The following DIMT1 variants were observed in gnomAD, a reference collection of about 807,000 sequenced individuals.
DIMT1 encodes the protein dimethyladenosine transferase.
A neutral mutation model predicts 43.2 loss-of-function variants in DIMT1; 36 were observed. That is an observed-to-expected ratio of 0.83 (90% CI 0.64 to 1.10). DIMT1 has a LOEUF of 1.10. Among genes scored for constraint, DIMT1 ranks in the 50% least tolerant of loss-of-function variants. The pLI, the probability that DIMT1 is intolerant of heterozygous loss-of-function variation, is 0.00. For missense variants in DIMT1, 341 were observed against 385.3 expected, an observed-to-expected ratio of 0.88 and a Z score of 0.96; for synonymous variants, 126 against 130.3, an observed-to-expected ratio of 0.97 and a Z score of 0.22.
Position 62,394,564 on chromosome 5 carries a change from C to A in DIMT1, c.490G>T (p.Val164Phe), listed in dbSNP as rs747789972. ...TATAACTTATCTCCAGGTTTTGCAA[C>A]CAGTCGGAGGGCAAATTCTCTTTGA... is the stretch of plus-strand genomic sequence containing the variant. ...MFQREFALRL[V>F]AKPGDKLYCR... The change falls in exon 7 of 12, where the codon GTT becomes TTT. Residue 164 changes from valine to phenylalanine, a missense_variant. Coordinates refer to ENST00000199320, the MANE Select transcript of DIMT1 (RefSeq NM_014473.4). The A allele has an allele frequency of 1.2e-6, 2 of 1,614,150 alleles. No homozygotes were observed. Among genetic ancestry groups the A allele is most frequent in the Non-Finnish European group, 1.7e-6 (2 of 1,180,030 alleles).
chr5:62,391,934 C>A, intron 10 of DIMT1: 1 of 1,535,630 alleles, frequency 6.5e-7, no homozygotes, highest in South Asian at 1.2e-5. Context: ...AAACAACTGT[C>A]AGTAGTTAGA....
intron 10 of DIMT1, chr5:62,391,773 T>C (rs1253050315): frequency 5.1e-6 from 7 of 1,384,838 alleles, no homozygotes; most frequent in Admixed American, 3.2e-5. Flanking sequence ...AAGTAATAAC[T>C]ATATTTGTAA....
chr5:62,403,651 G>T (rs774241008), intron 1 of DIMT1, 43 bp downstream of exon 1: 4 of 1,575,370 alleles, frequency 2.5e-6, no homozygotes, highest in Non-Finnish European at 3.4e-6. Flanking sequence ...CCTGCCGGAA[G>T]ACCTGACCCG....
Position 62,398,559 on chromosome 5 carries a change from AT to A in DIMT1, c.397del (p.Ile133SerfsTer56). On this transcript the variant is annotated frameshift_variant and splice_region_variant, in exon 6 of 12. Coordinates refer to ENST00000199320, the MANE Select transcript of DIMT1 (RefSeq NM_014473.4). LOFTEE classifies it high-confidence loss of function. ...DTCVANLPYQ[I>X]SSPFVFKLLL... ...CAGCTTGAAGACAAAAGGTGAAGAG[AT>A]CTGTAAGAGAATTAACTAGTTATTT... 6.2e-7 allele frequency: 1 copy of A among 1,612,844 alleles called. No homozygotes were observed. The highest frequency in any genetic ancestry group is 8.5e-7 in the Non-Finnish European group (1 of 1,178,860).
At position 62,392,331 on chromosome 5, in the gene DIMT1, A is replaced by C. The variant is rs1742338975; in HGVS notation, c.729-97T>G. On this transcript the variant is annotated intron_variant, in intron 9 of 11. Transcript: ENST00000199320. ...TTTTTAACTAATACATAAGCCATTT[A>C]AGCAATAATTTCATTTTAGATGAAA... 23 of 893,002 alleles carry C rather than the reference A, an allele frequency of 2.6e-5. No individual in the cohort carries two copies. In the Middle Eastern group the frequency reaches 9.5e-4, roughly 37 times the overall value. 55.3% of individuals were successfully genotyped at this position (893,002 alleles called of 1,614,324 possible). A position where few individuals can be genotyped will look rare whatever the true frequency, so the allele number is the denominator to read the frequency against.
rs1192704468 is a variant in DIMT1, at chr5:62,389,071, A to G, written c.900-19T>C. The G allele has an allele frequency of 1.2e-6, 2 of 1,608,420 alleles. No homozygotes were observed. The highest frequency in any genetic ancestry group is 1.7e-6 in the Non-Finnish European group (2 of 1,176,684). ...TAGCAATCTGAAAAAAGAAATCAAA[A>G]TGGAATGGTACTGAAAAGCTAATTT... is the stretch of plus-strand genomic sequence containing the variant. On this transcript the variant is annotated intron_variant, in intron 11 of 11. Transcript: ENST00000199320.
In DIMT1 at chr5:62,398,837, G is replaced by C; in HGVS notation, c.285C>G (p.His95Gln). The C allele has an allele frequency of 6.2e-7, 1 of 1,613,780 alleles. No homozygotes were observed. Among genetic ancestry groups the C allele is most frequent in the Non-Finnish European group, 8.5e-7 (1 of 1,179,834 alleles). The change falls in exon 4 of 12, where the codon CAC (histidine) becomes CAG (glutamine). Residue 95 changes from histidine (H) to glutamine (Q), a missense_variant. His to Gln is a conservative substitution (Grantham distance 24, BLOSUM62 0). Coordinates refer to ENST00000199320, the MANE Select transcript of DIMT1 (RefSeq NM_014473.4). ...ELDPRLVAEL[H>Q]KRVQGTPVAS... ...ATACTCACGTGCCCTGAACTCTTTT[G>C]TGAAGTTCAGCTACTAGCCTTGGGT...
chr5:62,396,958 CTTTTT>C (rs1370226626), intron 6 of DIMT1, among the ~76,000 whole-genome samples: 3 of 152,056 alleles, frequency 2.0e-5, no homozygotes, highest in African/African-American at 7.2e-5. Context: ...ATCTTGTTTT[CTTTTT>C]TGACAATCTC....
At chr5:62,401,966 T>C in intron 3 of DIMT1, 70 bp downstream of exon 3, 1 of 1,439,308 alleles carries the variant, frequency 6.9e-7, no homozygotes, top group Non-Finnish European at 9.7e-7. Flanking sequence ...TAAAACATAT[T>C]TAGATTGTAA....
intron 8 of DIMT1, 107 bp from the exon 9 acceptor site, chr5:62,393,097 C>G: frequency 1.6e-6 from 1 of 622,860 alleles, no homozygotes; most frequent in Non-Finnish European, 2.7e-6. Context: ...AGGAAACTTT[C>G]TGAAGTGAAG....
At chr5:62,393,909 T>C in intron 8 of DIMT1, 46 bp downstream of exon 8, 1 of 1,541,978 alleles carries the variant, frequency 6.5e-7, no homozygotes, top group Non-Finnish European at 8.8e-7. Context: ...TCTTCCCGCC[T>C]GGACTTTTTT....
At chr5:62,394,753 T>C in intron 6 of DIMT1, 146 bp from the exon 7 acceptor site, 1 of 1,162,336 alleles carries the variant, frequency 8.6e-7, no homozygotes, top group East Asian at 2.6e-5. Context: ...CTTTTTTTTA[T>C]TGCCACAGAA....
At chr5:62,396,551 T>A (rs1434516344) in intron 6 of DIMT1, among the ~76,000 whole-genome samples, 1 of 152,032 alleles carries the variant, frequency 6.6e-6, no homozygotes, top group African/African-American at 2.4e-5. Context: ...GACTGTAAGG[T>A]GGATACCTAA....
rs879839305 is a variant in DIMT1, at chr5:62,387,686, C to G, written c.*1324G>C. 2 of 152,018 alleles carry G rather than the reference C, an allele frequency of 1.3e-5. No homozygotes were observed. The highest frequency in any genetic ancestry group is 2.9e-5 in the Non-Finnish European group (2 of 67,994). The allele number at this position is 152,018 out of a possible 1,614,324, so 9.4% of individuals were successfully genotyped here. A position where few individuals can be genotyped will look rare whatever the true frequency, so the allele number is the denominator to read the frequency against. On this transcript the variant is annotated 3_prime_UTR_variant, in exon 12 of 12. Coordinates refer to ENST00000199320, the MANE Select transcript of DIMT1 (RefSeq NM_014473.4). ...GCCGAGTTAAATCTTAAAATTTTTACTATAAGGATAGAGATGATACAAGTG... is the reference window on the plus strand; with the variant it reads ...GCCGAGTTAAATCTTAAAATTTTTAGTATAAGGATAGAGATGATACAAGTG...
chr5:62,395,925 G>A (rs1412973806), intron 6 of DIMT1, among the ~76,000 whole-genome samples: 1 of 152,040 alleles, frequency 6.6e-6, no homozygotes, highest in African/African-American at 2.4e-5. Context: ...AGAATCATCT[G>A]AGCCCAGCCC....
chr5:62,388,756 T>C lies in DIMT1; in HGVS notation c.*254A>G. The C allele has an allele frequency of 2.0e-6, 1 of 498,360 alleles. No homozygotes were observed. Among genetic ancestry groups the C allele is most frequent in the Non-Finnish European group, 3.6e-6 (1 of 278,188 alleles). The allele number at this position is 498,360 out of a possible 1,614,324, so 30.9% of individuals were successfully genotyped here. The stretch of plus-strand genomic sequence containing the variant: ...GTTAGAAATGATAAGTGTAAAGTTG[T>C]GCGTCTCTGCGGCTCCTGAACTTGA... On this transcript the variant is annotated 3_prime_UTR_variant, in exon 12 of 12. Coordinates refer to ENST00000199320, the MANE Select transcript of DIMT1 (RefSeq NM_014473.4).
chr5:62,397,461 T>C (rs1393195245), intron 6 of DIMT1, among the ~76,000 whole-genome samples: 1 of 152,216 alleles, frequency 6.6e-6, no homozygotes, highest in East Asian at 1.9e-4. Context: ...ATGTCTATGG[T>C]GTTGGCTATT....
chr5:62,393,131 G>T, intron 8 of DIMT1, 141 bp from the exon 9 acceptor site: 1 of 509,818 alleles, frequency 2.0e-6, no homozygotes, highest in Non-Finnish European at 3.4e-6. Context: ...ATCTTGATCT[G>T]GCTGGCACAC....
intron 3 of DIMT1, among the ~76,000 whole-genome samples, chr5:62,401,804 A>G (rs1742716502): frequency 6.6e-6 from 1 of 151,730 alleles, no homozygotes; most frequent in Non-Finnish European, 1.5e-5. Context: ...GATGGTCTCA[A>G]TCTCTTGACC....
Sources: gnomAD v4.1 joint callset for allele counts (sites outside exome capture counted in the v4.1 genomes callset) on GRCh38, gnomAD v4.1.1 for gene constraint, MANE v1.5 for transcripts, NCBI Gene and HGNC (gene_info 2026-07-23, HGNC 2026-07-21) for gene names.